BIN1: variants seen among roughly 807,000 people sequenced by gnomAD.
BIN1 encodes bridging integrator 1, also known as myc box-dependent-interacting protein 1.
In BIN1, 53 loss-of-function variants were observed where a neutral mutation model predicts 82.0. That is an observed-to-expected ratio of 0.65 (90% CI 0.52 to 0.81). BIN1 has a LOEUF of 0.81. Ranked by LOEUF, BIN1 falls within the 40% of genes least tolerant of loss-of-function variation. The pLI is 0.00. For synonymous variants in BIN1, 302 were observed against 328.0 expected, an observed-to-expected ratio of 0.92 and a Z score of 0.86; for missense variants, 642 against 784.4, an observed-to-expected ratio of 0.82 and a Z score of 2.17.
At chr2:127,061,417 G>A (rs539606154) in intron 10 of BIN1, among the ~76,000 whole-genome samples, 19 of 152,278 alleles carry the variant, frequency 1.2e-4, no homozygotes, top group South Asian at 4.1e-4. Context: ...TGTTCTCTGC[G>A]TTCTGCTGTG....
At chr2:127,106,795 G>C (rs1359504848) in intron 1 of BIN1, 65 bp downstream of exon 1, 9 of 1,536,696 alleles carry the variant, frequency 5.9e-6, no homozygotes, top group Non-Finnish European at 6.1e-6. Flanking sequence ...GAGGATAGGG[G>C]GACAGGTGGC....
chr2:127,063,897 T>C (rs529307900), intron 8 of BIN1, 36 bp downstream of exon 8: 2 of 1,609,110 alleles, frequency 1.2e-6, no homozygotes, highest in East Asian at 2.2e-5. Flanking sequence ...GACTGGACAC[T>C]GCCCCACGCA....
At chr2:127,075,080 A>T (rs2105124771) in intron 2 of BIN1, among the ~76,000 whole-genome samples, 1 of 152,292 alleles carries the variant, frequency 6.6e-6, no homozygotes, top group South Asian at 2.1e-4. Context: ...CCTCAGGACA[A>T]GGGATCAGCT....
intron 1 of BIN1, among the ~76,000 whole-genome samples, chr2:127,086,354 C>A (rs986936105): frequency 1.3e-5 from 2 of 152,160 alleles, no homozygotes; most frequent in African/African-American, 4.8e-5. Context: ...AAAGATCGAA[C>A]TGGTAAAGAA....
intron 1 of BIN1, among the ~76,000 whole-genome samples, chr2:127,102,744 C>T (rs933472455): frequency 2.0e-5 from 3 of 152,260 alleles, no homozygotes; most frequent in African/African-American, 7.2e-5. Context: ...AACCCACACA[C>T]ACCTGGGCCC....
At chr2:127,061,747 TGA>T (rs1026399430) in intron 10 of BIN1, among the ~76,000 whole-genome samples, 28 of 152,208 alleles carry the variant, frequency 1.8e-4, no homozygotes, top group African/African-American at 6.5e-4. Context: ...CTCCCTGCTC[TGA>T]GAGGACTGCA....
At chr2:127,086,758 G>A (rs893535201) in intron 1 of BIN1, among the ~76,000 whole-genome samples, 2 of 151,638 alleles carry the variant, frequency 1.3e-5, no homozygotes, top group African/African-American at 2.4e-5. Context: ...CACCCGCCTC[G>A]ACCTCCCAAA....
chr2:127,049,969 A>C (rs566414467), intron 18 of BIN1, among the ~76,000 whole-genome samples: 251 of 152,320 alleles, frequency 1.6e-3, no homozygotes, highest in Non-Finnish European at 2.9e-3. Context: ...GAGGGACGGC[A>C]CACGGGGCTT....
At chr2:127,104,896 G>C (rs11679418) in intron 1 of BIN1, among the ~76,000 whole-genome samples, 89,251 of 152,076 alleles carry the variant, frequency 0.59, 26,444 homozygotes, top group African/African-American at 0.63. Flanking sequence ...TTTCTGATGG[G>C]GGGAGGGTCC....
At chr2:127,081,100 C>T (rs1002246540) in intron 1 of BIN1, among the ~76,000 whole-genome samples, 1 of 152,208 alleles carries the variant, frequency 6.6e-6, no homozygotes, top group Admixed American at 6.5e-5. Flanking sequence ...CACCCTCCAA[C>T]AGCCCCCGCA....
rs550498319 is a variant in BIN1, at chr2:127,048,259, C to T, written c.*267G>A. The T allele has an allele frequency of 3.6e-5, 17 of 467,892 alleles. No homozygotes were observed. Among genetic ancestry groups the T allele is most frequent in the South Asian group, 3.6e-4 (17 of 47,582 alleles). 29.0% of individuals were successfully genotyped at this position (467,892 alleles called of 1,614,324 possible). A position where few individuals can be genotyped will look rare whatever the true frequency, so the allele number is the denominator to read the frequency against. Reference sequence around the variant, plus strand: ...CAGCCCCGCCCTGCGGCCAGGCACACATGCGGGCACAGGCAGGGGCGCCAG... The same window carrying T: ...CAGCCCCGCCCTGCGGCCAGGCACATATGCGGGCACAGGCAGGGGCGCCAG... On this transcript the variant is annotated 3_prime_UTR_variant, in exon 19 of 19. Transcript: ENST00000316724.
chr2:127,076,597 C>T, intron 2 of BIN1, 29 bp downstream of exon 2: 1 of 1,613,904 alleles, frequency 6.2e-7, no homozygotes, highest in Non-Finnish European at 8.5e-7. Flanking sequence ...TTCACAAACT[C>T]CCTAAGGCCA....
At chr2:127,071,837 G>A (rs1050132471) in intron 2 of BIN1, among the ~76,000 whole-genome samples, 5 of 152,202 alleles carry the variant, frequency 3.3e-5, no homozygotes, top group East Asian at 1.9e-4. Context: ...AGTGGAAGGC[G>A]AATAATCCCT....
In BIN1 at chr2:127,090,381, G is replaced by A. The variant is rs935900444; in HGVS notation, c.85-13675C>T. Among the ~76,000 whole-genome samples the A allele has an allele frequency of 3.9e-5, 6 of 152,232 alleles. No individual in the cohort carries two copies. The highest frequency in any genetic ancestry group is 9.6e-5 in the African/African-American group (4 of 41,464). ...AGGCAGGCAGCAAGGGCATGGCCGC[G>A]GGGCATCAGTGACACAGGGCGACCC... On this transcript the variant is annotated intron_variant, in intron 1 of 18. Coordinates refer to ENST00000316724, the MANE Select transcript of BIN1 (RefSeq NM_139343.3). The surrounding 1 kb of genome is among the most constrained non-coding windows in gnomAD (Gnocchi z 6.4).
At chr2:127,077,104 A>T (rs1686709800) in intron 1 of BIN1, among the ~76,000 whole-genome samples, 2 of 152,174 alleles carry the variant, frequency 1.3e-5, no homozygotes, top group Non-Finnish European at 2.9e-5. Context: ...AAGCAGGAGC[A>T]GCCTCACTTC....
intron 14 of BIN1, chr2:127,052,709 G>A (rs1219614017): frequency 1.9e-5 from 7 of 360,712 alleles, no homozygotes; most frequent in East Asian, 6.2e-5. Flanking sequence ...GGCTGCCAGC[G>A]CATGCCCCAA....
intron 1 of BIN1, among the ~76,000 whole-genome samples, chr2:127,105,790 C>T (rs978717772): frequency 6.6e-6 from 1 of 152,354 alleles, no homozygotes; most frequent in South Asian, 2.1e-4. Flanking sequence ...TGCGCCTCCA[C>T]CCGGCGGCCG....
chr2:127,103,712 C>T (rs1213211734), intron 1 of BIN1, among the ~76,000 whole-genome samples: 4 of 152,228 alleles, frequency 2.6e-5, no homozygotes, highest in Non-Finnish European at 5.9e-5. Flanking sequence ...CGCCCCATCC[C>T]GCGAGGGGCC....
At chr2:127,097,358 C>T (rs1305091793) in intron 1 of BIN1, among the ~76,000 whole-genome samples, 3 of 151,386 alleles carry the variant, frequency 2.0e-5, no homozygotes, top group Admixed American at 2.0e-4. Flanking sequence ...GGCCCAGCAG[C>T]GTCACTCCTC....
Sources: gnomAD v4.1 joint callset for allele counts (sites outside exome capture counted in the v4.1 genomes callset) on GRCh38, gnomAD v4.1.1 for gene constraint, Gnocchi (gnomAD v3.1) non-coding constraint, MANE v1.5 for transcripts, NCBI Gene and HGNC (gene_info 2026-07-23, HGNC 2026-07-21) for gene names.